Variants in TAFA2 observed in about 807,000 individuals in gnomAD.
TAFA2 encodes TAFA chemokine like family member 2.
Under a neutral mutation model 18.8 loss-of-function variants are expected in TAFA2, and 7 were observed. That is an observed-to-expected ratio of 0.37 (90% CI 0.21 to 0.70). The LOEUF (loss-of-function observed/expected upper bound fraction) is 0.70. TAFA2 is among the 30% of genes least tolerant of loss of function. The probability of loss-of-function intolerance (pLI) is 0.53; values close to 1 mark genes in which losing one functional copy is unlikely to be tolerated. For synonymous variants in TAFA2, 60 were observed against 54.2 expected, an observed-to-expected ratio of 1.11 and a Z score of -0.47; for missense variants, 122 against 158.1, an observed-to-expected ratio of 0.77 and a Z score of 1.23.
At chr12:62,147,729 CAAAAAAAAAAAA>C (rs10552283) in intron 1 of TAFA2, among the ~76,000 whole-genome samples, 2 of 76,394 alleles carry the variant, frequency 2.6e-5, no homozygotes, top group Admixed American at 1.5e-4. Flanking sequence ...GACTCTGTCT[CAAAAAAAAAAAA>C]AAAAAAAAAA....
chr12:61,755,064 T>G (rs762430785), intron 2 of TAFA2, 40 bp from the exon 3 acceptor site: 1 of 1,603,568 alleles, frequency 6.2e-7, no homozygotes, highest in South Asian at 1.1e-5. Flanking sequence ...TGAGAAAGCT[T>G]TGGACACTTC....
At chr12:61,948,309 T>A (rs1878350992) in intron 1 of TAFA2, among the ~76,000 whole-genome samples, 1 of 152,154 alleles carries the variant, frequency 6.6e-6, no homozygotes, top group South Asian at 2.1e-4. Context: ...AAAGCCAAGA[T>A]GAAAATTCAG....
intron 2 of TAFA2, among the ~76,000 whole-genome samples, chr12:61,835,405 A>G (rs1030169668): frequency 1.3e-5 from 2 of 151,946 alleles, no homozygotes; most frequent in Non-Finnish European, 2.9e-5. Context: ...CAAGGGGTGC[A>G]TTTGCAGGTT....
intron 1 of TAFA2, among the ~76,000 whole-genome samples, chr12:62,198,679 T>A (rs1044310562): frequency 1.3e-5 from 2 of 152,184 alleles, no homozygotes; most frequent in African/African-American, 4.8e-5. Flanking sequence ...TAAATGTTTT[T>A]TAAAAACATT....
At chr12:62,132,261 C>T (rs1182436835) in intron 1 of TAFA2, among the ~76,000 whole-genome samples, 2 of 150,248 alleles carry the variant, frequency 1.3e-5, no homozygotes, top group Non-Finnish European at 3.0e-5. Flanking sequence ...ATATTAAACT[C>T]TAATCACTTC....
intron 1 of TAFA2, among the ~76,000 whole-genome samples, chr12:61,931,612 G>A (rs965263025): frequency 1.3e-5 from 2 of 152,126 alleles, no homozygotes; most frequent in African/African-American, 4.8e-5. Flanking sequence ...GCTTCTCCCA[G>A]TAGTTTCAAA....
chr12:61,920,530 C>A (rs751613035), intron 1 of TAFA2, among the ~76,000 whole-genome samples: 1 of 152,174 alleles, frequency 6.6e-6, no homozygotes, highest in Non-Finnish European at 1.5e-5. Flanking sequence ...AAGCCTAAAA[C>A]CCTTTTCCTT....
chr12:61,756,255 A>G (rs770548883), intron 2 of TAFA2, among the ~76,000 whole-genome samples: 16 of 152,096 alleles, frequency 1.1e-4, no homozygotes, highest in Non-Finnish European at 2.2e-4. Flanking sequence ...ATAATCCTCA[A>G]TAGAACCTTC....
chr12:61,852,672 C>G (rs1220888378), intron 2 of TAFA2, among the ~76,000 whole-genome samples: 1 of 152,076 alleles, frequency 6.6e-6, no homozygotes, highest in Non-Finnish European at 1.5e-5. Flanking sequence ...GAACTAGCTA[C>G]AGCTTTAGAA....
Position 61,753,673 on chromosome 12 carries a change from C to T in TAFA2, c.333G>A (p.Pro111=), listed in dbSNP as rs776778644. Residue 111 remains proline (P), a synonymous_variant, in exon 4 of 5, where the codon CCG becomes CCA. Transcript: ENST00000416284. ...AGGAACAGCTCCATCCTTTCCGATC[C>T]GGAAGAACTTTACATTCTTCTCCCT... is the stretch of plus-strand genomic sequence containing the variant. ...CLEGEECKVL[P]DRKGWSCSSG... The T allele has an allele frequency of 2.2e-5, 36 of 1,612,420 alleles. No homozygotes were observed. In the East Asian group the frequency reaches 5.1e-4, roughly 23 times the overall value.
At chr12:61,982,140 G>A (rs958686328) in intron 1 of TAFA2, among the ~76,000 whole-genome samples, 1 of 152,158 alleles carries the variant, frequency 6.6e-6, no homozygotes, top group African/African-American at 2.4e-5. Context: ...GTCCTTTGCA[G>A]GGTTGTGGAT....
chr12:61,919,513 A>C (rs1876963219), intron 1 of TAFA2, among the ~76,000 whole-genome samples: 1 of 152,158 alleles, frequency 6.6e-6, no homozygotes, highest in Non-Finnish European at 1.5e-5. Context: ...ACCCAAGTTC[A>C]TGGCTCCTAA....
chr12:62,103,028 T>A (rs1292405856), intron 1 of TAFA2, among the ~76,000 whole-genome samples: 2 of 152,214 alleles, frequency 1.3e-5, no homozygotes, highest in African/African-American at 4.8e-5. Flanking sequence ...ATGCAACCTC[T>A]AGCCCTGCTG....
chr12:61,872,599 GA>G (rs1472482420), intron 1 of TAFA2, among the ~76,000 whole-genome samples: 2 of 152,058 alleles, frequency 1.3e-5, no homozygotes, highest in South Asian at 2.1e-4. Flanking sequence ...TCTTACTGGA[GA>G]AAAAAACCAA....
intron 1 of TAFA2, chr12:61,879,541 C>T: frequency 1.4e-6 from 1 of 724,986 alleles, no homozygotes; most frequent in South Asian, 1.5e-5. Flanking sequence ...CCTGCTGAGG[C>T]CCCTTAACCT....
In TAFA2 at chr12:61,709,828, T is replaced by C. The variant is rs1869311852; in HGVS notation, c.*578A>G. ...ACATTATTACCAATGGATATATATT[T>C]CCATTCCTTTAACAAAAGCAACTTT... On this transcript the variant is annotated 3_prime_UTR_variant, in exon 5 of 5. Transcript: ENST00000416284. 6.6e-6 allele frequency: 1 copy of C among 152,220 alleles called. No homozygotes were observed. The highest frequency in any genetic ancestry group is 6.6e-5 in the Admixed American group (1 of 15,254). The allele number at this position is 152,220 out of a possible 1,614,324, so 9.4% of individuals were successfully genotyped here.
intron 4 of TAFA2, among the ~76,000 whole-genome samples, chr12:61,751,863 A>AT (rs796631713): frequency 2.4e-4 from 36 of 148,300 alleles, no homozygotes; most frequent in East Asian, 1.8e-3. Context: ...GCACTTCCAA[A>AT]TTTTTTTTTT....
chr12:62,073,736 G>C (rs1565735751), intron 1 of TAFA2, among the ~76,000 whole-genome samples: 1 of 152,106 alleles, frequency 6.6e-6, no homozygotes, highest in Non-Finnish European at 1.5e-5. Context: ...TGATTATATG[G>C]TAGATACTTA....
At chr12:61,916,592 G>A (rs971738677) in intron 1 of TAFA2, among the ~76,000 whole-genome samples, 1 of 152,092 alleles carries the variant, frequency 6.6e-6, no homozygotes, top group South Asian at 2.1e-4. Context: ...TGCCTGTTAC[G>A]ATTTTTCACC....
Sources: gnomAD v4.1 joint callset for allele counts (sites outside exome capture counted in the v4.1 genomes callset) on GRCh38, gnomAD v4.1.1 for gene constraint, MANE v1.5 for transcripts, NCBI Gene and HGNC (gene_info 2026-07-23, HGNC 2026-07-21) for gene names.